ATP2B2: variants seen among roughly 807,000 people sequenced by gnomAD.
ATP2B2 encodes the protein plasma membrane calcium-transporting ATPase 2.
Under a neutral mutation model 120.0 loss-of-function variants are expected in ATP2B2, and 15 were observed. The observed-to-expected ratio is 0.12, with a 90% CI of 0.08 to 0.19. ATP2B2 has a LOEUF of 0.19. Ranked by LOEUF, ATP2B2 falls within the 10% of genes least tolerant of loss-of-function variation. The pLI is 1.00. For synonymous variants in ATP2B2, 694 were observed against 700.3 expected (o/e 0.99, Z 0.14); for missense variants, 1,045 against 1,719.8 (o/e 0.61, Z 6.94).
In ATP2B2 at chr3:10,402,845, G is replaced by GAGGAGAGAAAAGAGAATTTTCTCTAAT. The variant is rs576724562; in HGVS notation, c.398-524_398-498dup. Among the ~76,000 whole-genome samples, 403 of 152,324 alleles carry GAGGAGAGAAAAGAGAATTTTCTCTAAT rather than the reference G, an allele frequency of 2.6e-3. 1 individual carries two copies. Among genetic ancestry groups the GAGGAGAGAAAAGAGAATTTTCTCTAAT allele is most frequent in the African/African-American group, 9.3e-3 (385 of 41,568 alleles). On this transcript the variant is annotated intron_variant, in intron 3 of 22. Coordinates refer to ENST00000360273, the MANE Select transcript of ATP2B2 (RefSeq NM_001001331.4). This position sits in a 1 kb window ranked among gnomAD's most constrained non-coding sequence, Gnocchi z 4.9. ...GACTCTACAGCACAGACAAGGCACA[G>GAGGAGAGAAAAGAGAATTTTCTCTAAT]AGGAGAGAAAAGAGAATTTTCTCTA...
At chr3:10,424,939 A>G (rs1211630230) in intron 2 of ATP2B2, among the ~76,000 whole-genome samples, 1 of 152,148 alleles carries the variant, frequency 6.6e-6, no homozygotes, top group Non-Finnish European at 1.5e-5. Flanking sequence ...TCTCTGGGGA[A>G]GGGAAAGGGC....
At chr3:10,499,823 T>C (rs925801192) in intron 1 of ATP2B2, among the ~76,000 whole-genome samples, 1 of 152,054 alleles carries the variant, frequency 6.6e-6, no homozygotes, top group African/African-American at 2.4e-5. Context: ...AAGGGGTCTC[T>C]GGGCATCCCC....
chr3:10,595,774 T>C (rs2125584430), intron 2 of ATP2B2, among the ~76,000 whole-genome samples: 1 of 152,356 alleles, frequency 6.6e-6, no homozygotes, highest in Non-Finnish European at 1.5e-5. Flanking sequence ...TCAAACATCA[T>C]TTGTTAATCG....
chr3:10,358,673 G>A lies in ATP2B2; in HGVS notation c.2136+18C>T, dbSNP rs1329442342. 4 of 1,613,246 alleles carry A rather than the reference G, an allele frequency of 2.5e-6. No individual in the cohort carries two copies. Among genetic ancestry groups the A allele is most frequent in the Admixed American group, 1.7e-5 (1 of 59,980 alleles). ...AGCCTCATCCCCTTTCCCTGAGCTC[G>A]CTGGCCCTGGGGCCTACCTCTGGCC... On this transcript the variant is annotated intron_variant, in intron 14 of 22. Coordinates refer to ENST00000360273, the MANE Select transcript of ATP2B2 (RefSeq NM_001001331.4).
At chr3:10,546,819 A>C (rs2067557586) in intron 2 of ATP2B2, among the ~76,000 whole-genome samples, 1 of 152,210 alleles carries the variant, frequency 6.6e-6, no homozygotes, top group African/African-American at 2.4e-5. Context: ...GCACACAGCT[A>C]ACGGTGATGA....
At chr3:10,537,472 T>A (rs2067343826) in intron 2 of ATP2B2, among the ~76,000 whole-genome samples, 1 of 152,148 alleles carries the variant, frequency 6.6e-6, no homozygotes, top group African/African-American at 2.4e-5. Context: ...TATTTAAAAT[T>A]TTGGTGTCCA....
intron 2 of ATP2B2, among the ~76,000 whole-genome samples, chr3:10,415,649 T>A (rs1262556934): frequency 1.3e-5 from 2 of 152,176 alleles, no homozygotes; most frequent in Non-Finnish European, 2.9e-5. Context: ...CTGCTGAAAA[T>A]TAACACACAT....
chr3:10,510,395 G>A (rs2066737677), upstream of ATP2B2, among the ~76,000 whole-genome samples: 1 of 152,274 alleles, frequency 6.6e-6, no homozygotes, highest in Non-Finnish European at 1.5e-5. Context: ...CACAGAGTGA[G>A]TAGGGGAATT....
rs574584313 is a variant in ATP2B2, at chr3:10,404,821, C to A, written c.398-2473G>T. Among the ~76,000 whole-genome samples the A allele has an allele frequency of 7.9e-5, 12 of 152,300 alleles. No homozygotes were observed. In the South Asian group the frequency reaches 2.1e-3, roughly 26 times the overall value. ...AACCCAGTATATGGAAACGCATTTTCTTGGGGCTTAGAGGCATGGAGGGGG... is the reference window on the plus strand; with the variant it reads ...AACCCAGTATATGGAAACGCATTTTATTGGGGCTTAGAGGCATGGAGGGGG... On this transcript the variant is annotated intron_variant, in intron 3 of 22. Coordinates refer to ENST00000360273, the MANE Select transcript of ATP2B2 (RefSeq NM_001001331.4).
chr3:10,499,877 C>T (rs1256124678), intron 1 of ATP2B2, among the ~76,000 whole-genome samples: 1 of 151,900 alleles, frequency 6.6e-6, no homozygotes, highest in Non-Finnish European at 1.5e-5. Flanking sequence ...GCACCAGGGA[C>T]CTGGGTTCAA....
intron 1 of ATP2B2, among the ~76,000 whole-genome samples, chr3:10,468,449 C>T (rs1360310952): frequency 3.3e-5 from 5 of 152,224 alleles, no homozygotes; most frequent in South Asian, 4.1e-4. Context: ...AGAGGGCTGG[C>T]GGCTACCCAA....
At chr3:10,595,625 C>T (rs927803750) in intron 2 of ATP2B2, among the ~76,000 whole-genome samples, 4 of 143,094 alleles carry the variant, frequency 2.8e-5, no homozygotes, top group African/African-American at 1.1e-4. Context: ...TACCAAGTTG[C>T]CACATCTCAT....
In ATP2B2 at chr3:10,347,229, G is replaced by A. The variant is rs904289487; in HGVS notation, c.2405-1092C>T. 1.3e-5 allele frequency among the ~76,000 whole-genome samples: 2 copies of A among 152,184 alleles called. No homozygotes were observed. The highest frequency in any genetic ancestry group is 4.8e-5 in the African/African-American group (2 of 41,432). On this transcript the variant is annotated intron_variant, in intron 16 of 22. Transcript: ENST00000360273. This position sits in a 1 kb window ranked among gnomAD's most constrained non-coding sequence, Gnocchi z 5.2. ...CAATCTGTGCTTACGGTCCCACAGA[G>A]CTAGCTCTCACTGGCCCTGTGTCTG...
intron 1 of ATP2B2, among the ~76,000 whole-genome samples, chr3:10,478,935 G>C (rs1039766918): frequency 6.6e-6 from 1 of 152,152 alleles, no homozygotes; most frequent in Non-Finnish European, 1.5e-5. Context: ...GTTCTCACAA[G>C]ATCTCATGGT....
At chr3:10,418,379 C>T (rs576224921) in intron 2 of ATP2B2, among the ~76,000 whole-genome samples, 6 of 152,242 alleles carry the variant, frequency 3.9e-5, no homozygotes, top group South Asian at 2.1e-4. Context: ...AATGAAGGGG[C>T]GAGATGAAGG....
At chr3:10,557,686 G>A (rs746696378) in intron 2 of ATP2B2, among the ~76,000 whole-genome samples, 4 of 152,190 alleles carry the variant, frequency 2.6e-5, no homozygotes, top group Non-Finnish European at 5.9e-5. Flanking sequence ...CTGGAGTGGG[G>A]CCTGTGTACC....
intron 1 of ATP2B2, among the ~76,000 whole-genome samples, chr3:10,497,307 C>G (rs575440867): frequency 1.3e-5 from 2 of 152,216 alleles, no homozygotes; most frequent in Non-Finnish European, 2.9e-5. Context: ...CAGCATTGGG[C>G]TGGTGCCTGG....
intron 2 of ATP2B2, among the ~76,000 whole-genome samples, chr3:10,545,857 G>A (rs183670323): frequency 6.6e-5 from 10 of 152,258 alleles, no homozygotes; most frequent in Non-Finnish European, 1.2e-4. Context: ...ATGTTTTCAA[G>A]TAATTTTTAT....
intron 2 of ATP2B2, among the ~76,000 whole-genome samples, chr3:10,605,146 G>A (rs1245822372): frequency 6.6e-6 from 1 of 152,062 alleles, no homozygotes; most frequent in Non-Finnish European, 1.5e-5. Context: ...ACATCTCTAG[G>A]GAATAACACA....
Sources: gnomAD v4.1 joint callset for allele counts (sites outside exome capture counted in the v4.1 genomes callset) on GRCh38, gnomAD v4.1.1 for gene constraint, Gnocchi (gnomAD v3.1) non-coding constraint, MANE v1.5 for transcripts, NCBI Gene and HGNC (gene_info 2026-07-23, HGNC 2026-07-21) for gene names.